ATL1: variants seen among roughly 807,000 people sequenced by gnomAD.
ATL1 encodes the protein atlastin-1.
ATL1 carries 31 observed loss-of-function variants against 75.5 expected under a neutral mutation model. That is an observed-to-expected ratio of 0.41 (90% confidence interval 0.31 to 0.55). ATL1 has a LOEUF of 0.55. Among genes scored for constraint, ATL1 ranks in the 20% least tolerant of loss-of-function variants. ATL1 has a pLI of 0.27. For synonymous variants in ATL1, 226 were observed against 233.3 expected (o/e 0.97, Z 0.28); for missense variants, 405 against 662.6 (o/e 0.61, Z 4.27).
chr14:50,542,507 C>G (rs2038578545), intron 1 of ATL1: 1 of 152,106 alleles, frequency 6.6e-6, no homozygotes, highest in Non-Finnish European at 1.5e-5. Context: ...ACCTAATTTA[C>G]TGGATCGTAA....
At chr14:50,562,008 A>C (rs2038851290) in intron 1 of ATL1, among the ~76,000 whole-genome samples, 1 of 151,894 alleles carries the variant, frequency 6.6e-6, no homozygotes, top group Admixed American at 6.6e-5. Flanking sequence ...TCCTTTATGA[A>C]GCTTTGGATC....
Position 50,591,076 on chromosome 14 carries a change from G to T in ATL1, c.417+1G>T. The stretch of plus-strand genomic sequence containing the variant: ...TATCAATAAACCTGATGGTAAAAAG[G>T]TATGATGCTAACTTCCTAAATAAAA... On this transcript the variant is annotated splice_donor_variant, in intron 3 of 13. Coordinates refer to ENST00000358385, the MANE Select transcript of ATL1 (RefSeq NM_015915.5). LOFTEE classifies it high-confidence loss of function. 1 of 1,612,874 alleles carries T rather than the reference G, an allele frequency of 6.2e-7. No individual in the cohort carries two copies. The highest frequency in any genetic ancestry group is 8.5e-7 in the Non-Finnish European group (1 of 1,179,450).
In ATL1 at chr14:50,571,014, C is replaced by G. The variant is rs556212584; in HGVS notation, c.34+10715C>G. ...TGTGTATGCAGTTGCTTTTGAATGT[C>G]CTAGTCTTTAGTGTCTGGTTTTCAA... On this transcript the variant is annotated intron_variant, in intron 1 of 13. Coordinates refer to ENST00000358385, the MANE Select transcript of ATL1 (RefSeq NM_015915.5). 3.3e-5 allele frequency among the ~76,000 whole-genome samples: 5 copies of G among 152,240 alleles called. No individual in the cohort carries two copies. The East Asian group carries it at 9.6e-4, about 29-fold the overall frequency.
chr14:50,626,922 G>A (rs2039526397), intron 11 of ATL1, among the ~76,000 whole-genome samples: 1 of 151,926 alleles, frequency 6.6e-6, no homozygotes, highest in South Asian at 2.1e-4. Flanking sequence ...TCCTTTCCAG[G>A]GCTTTAAAAT....
intron 1 of ATL1, chr14:50,571,793 T>C (rs1300947038): frequency 6.2e-6 from 1 of 160,522 alleles, no homozygotes; most frequent in Non-Finnish European, 1.4e-5. Context: ...ATTACAAAAG[T>C]TTATTTAACA....
intron 1 of ATL1, among the ~76,000 whole-genome samples, chr14:50,586,959 T>C (rs1387642045): frequency 6.6e-6 from 1 of 152,224 alleles, no homozygotes; most frequent in Non-Finnish European, 1.5e-5. Context: ...AAATCCTATA[T>C]GAGGAAGTCT....
intron 1 of ATL1, among the ~76,000 whole-genome samples, chr14:50,546,773 A>G (rs1290661857): frequency 6.6e-6 from 1 of 152,186 alleles, no homozygotes; most frequent in African/African-American, 2.4e-5. Flanking sequence ...CTAATTTAAT[A>G]TAGTTGGTTC....
intron 1 of ATL1, among the ~76,000 whole-genome samples, chr14:50,566,174 T>A (rs1342672199): frequency 6.6e-6 from 1 of 152,056 alleles, no homozygotes; most frequent in East Asian, 1.9e-4. Context: ...ATTTTTGTAT[T>A]TTTAGTAGAG....
intron 1 of ATL1, among the ~76,000 whole-genome samples, chr14:50,553,106 C>A (rs1256475314): frequency 6.6e-6 from 1 of 151,918 alleles, no homozygotes; most frequent in Non-Finnish European, 1.5e-5. Context: ...ACCAGCCTGG[C>A]AAACATGGTG....
At chr14:50,618,101 G>A (rs1449791251) in intron 8 of ATL1, among the ~76,000 whole-genome samples, 1 of 152,064 alleles carries the variant, frequency 6.6e-6, no homozygotes, top group East Asian at 1.9e-4. Context: ...GGAATGTTTG[G>A]GGGCAGAAAT....
intron 1 of ATL1, among the ~76,000 whole-genome samples, chr14:50,579,226 A>C (rs934501947): frequency 6.6e-6 from 1 of 152,142 alleles, no homozygotes; most frequent in Non-Finnish European, 1.5e-5. Flanking sequence ...TATTCAATGG[A>C]TTTAGCATCA....
intron 1 of ATL1, among the ~76,000 whole-genome samples, chr14:50,570,336 T>C (rs2038943351): frequency 1.3e-5 from 2 of 152,132 alleles, no homozygotes; most frequent in African/African-American, 4.8e-5. Context: ...TCTGACTACC[T>C]CTAGTGAATT....
At chr14:50,593,214 A>G (rs1282733765) in intron 4 of ATL1, among the ~76,000 whole-genome samples, 1 of 152,002 alleles carries the variant, frequency 6.6e-6, no homozygotes, top group Non-Finnish European at 1.5e-5. Context: ...ATTCCTTAGT[A>G]ATGACTTTTT....
chr14:50,629,926 G>T (rs190905778), intron 12 of ATL1, 69 bp from the exon 13 acceptor site: 4 of 1,215,734 alleles, frequency 3.3e-6, no homozygotes, highest in South Asian at 2.8e-5. Flanking sequence ...AAGCAAAGTT[G>T]ATTATAATGC....
chr14:50,537,697 C>T (rs1222070927), intron 1 of ATL1, among the ~76,000 whole-genome samples: 2 of 152,334 alleles, frequency 1.3e-5, no homozygotes, highest in African/African-American at 4.8e-5. Context: ...GACATGGAGT[C>T]AAAGGAGATC....
intron 5 of ATL1, among the ~76,000 whole-genome samples, chr14:50,594,241 A>T (rs910977778): frequency 1.3e-5 from 2 of 152,138 alleles, no homozygotes; most frequent in Admixed American, 1.3e-4. Context: ...ATCTGTGAGA[A>T]CTCACTCACT....
At chr14:50,565,312 AC>A (rs367933369) in intron 1 of ATL1, among the ~76,000 whole-genome samples, 89 of 151,690 alleles carry the variant, frequency 5.9e-4, no homozygotes, top group African/African-American at 2.1e-3. Flanking sequence ...TAAATAAAAA[AC>A]AAACAAAAAA....
Position 50,620,541 on chromosome 14 carries a change from T to C in ATL1, c.863-58T>C, listed in dbSNP as rs1054727017. ...GGAGATCAAAGGATGTTTTATTCTG[T>C]GGCATGGAGGACTGGGAAGGATTCC... On this transcript the variant is annotated intron_variant, in intron 8 of 13. Coordinates refer to ENST00000358385, the MANE Select transcript of ATL1 (RefSeq NM_015915.5). 3.2e-6 allele frequency: 5 copies of C among 1,561,412 alleles called. No individual in the cohort carries two copies. The South Asian group carries it at 3.4e-5, about 10-fold the overall frequency.
chr14:50,629,580 TC>T lies in ATL1; in HGVS notation c.1552-412del, dbSNP rs756777188. Among the ~76,000 whole-genome samples, 24 of 76,944 alleles carry T rather than the reference TC, an allele frequency of 3.1e-4. 2 individuals carry two copies. Among genetic ancestry groups the T allele is most frequent in the African/African-American group, 1.4e-3 (21 of 15,332 alleles). 50.5% of individuals were successfully genotyped at this position (76,944 alleles called of 152,430 possible). A position where few individuals can be genotyped will look rare whatever the true frequency, so the allele number is the denominator to read the frequency against. On this transcript the variant is annotated intron_variant, in intron 12 of 13. Coordinates refer to ENST00000358385, the MANE Select transcript of ATL1 (RefSeq NM_015915.5). ...TGGGCAACAAGAGTGAAGCTCCATC[TC>T]CCAAAAAAAAAAAAAAAAACCCTAC... is the stretch of plus-strand genomic sequence containing the variant.
Sources: gnomAD v4.1 joint callset for allele counts (sites outside exome capture counted in the v4.1 genomes callset) on GRCh38, gnomAD v4.1.1 for gene constraint, MANE v1.5 for transcripts, NCBI Gene and HGNC (gene_info 2026-07-23, HGNC 2026-07-21) for gene names.